CRACD: variants seen among roughly 807,000 people sequenced by gnomAD.
CRACD encodes capping protein-inhibiting regulator of actin dynamics.
CRACD carries 56 observed loss-of-function variants against 106.8 expected under a neutral mutation model. That is an observed-to-expected ratio of 0.52 (90% confidence interval 0.42 to 0.66). The LOEUF (loss-of-function observed/expected upper bound fraction) is 0.66. CRACD is among the 30% of genes least tolerant of loss of function. CRACD has a pLI of 0.00. For missense variants in CRACD, 1,730 were observed against 1,623.2 expected, an observed-to-expected ratio of 1.07 and a Z score of -1.13; for synonymous variants, 754 against 670.8, an observed-to-expected ratio of 1.12 and a Z score of -1.92.
rs149839999 is a variant in CRACD at position 56,093,265 on chromosome 4, G to A, written c.-336+43966G>A. On this transcript the variant is annotated intron_variant, in intron 1 of 10. Coordinates refer to ENST00000682029, the MANE Select transcript of CRACD (RefSeq NM_001393381.1). ...TCATGCTAGCCTGTAATTCACAAAT[G>A]TTAGTTTCCTTTCCCCACTTCCTGA... Among the ~76,000 whole-genome samples the A allele has an allele frequency of 3.4e-3, 525 of 152,268 alleles. 3 individuals carry two copies. The highest frequency in any genetic ancestry group is 3.3e-3 in the Non-Finnish European group (225 of 68,022).
At chr4:56,321,374 T>A (rs1475908593) in intron 8 of CRACD, 1 of 153,168 alleles carries the variant, frequency 6.5e-6, no homozygotes, top group Non-Finnish European at 1.5e-5. Flanking sequence ...TTTTTTCAAA[T>A]TAGTCAATTA....
At chr4:56,275,660 A>G (rs1742633720) in intron 3 of CRACD, among the ~76,000 whole-genome samples, 1 of 152,238 alleles carries the variant, frequency 6.6e-6, no homozygotes, top group Non-Finnish European at 1.5e-5. Flanking sequence ...TTTTTAGTTC[A>G]TGGTTCAATT....
intron 1 of CRACD, among the ~76,000 whole-genome samples, chr4:56,053,792 G>GAT (rs1390684438): frequency 6.6e-6 from 1 of 151,342 alleles, no homozygotes; most frequent in Non-Finnish European, 1.5e-5. Flanking sequence ...AGATCATGAT[G>GAT]ATATGTTAGA....
At chr4:56,248,675 C>G (rs1187599915) in intron 2 of CRACD, among the ~76,000 whole-genome samples, 1 of 150,066 alleles carries the variant, frequency 6.7e-6, no homozygotes, top group Admixed American at 6.6e-5. Context: ...GCTGCACCCA[C>G]TAACTCGTCA....
intron 1 of CRACD, among the ~76,000 whole-genome samples, chr4:56,153,453 G>C (rs1735656375): frequency 6.6e-6 from 1 of 152,032 alleles, no homozygotes; most frequent in South Asian, 2.1e-4. Context: ...TAAATATTCT[G>C]TATTTTACCT....
intron 2 of CRACD, among the ~76,000 whole-genome samples, chr4:56,237,543 A>G (rs1359522023): frequency 6.6e-6 from 1 of 152,078 alleles, no homozygotes; most frequent in Non-Finnish European, 1.5e-5. Flanking sequence ...TTGACTACCT[A>G]TTATTGATTA....
rs746373335 is a variant in CRACD, at chr4:56,316,661, T to C, written c.3159T>C (p.Pro1053=). ...TGCCTGCCACTCAGCAAGAGAAACC[T>C]TCTCAAACACCCGAGGCCGGGAGGA... The part of the protein sequence containing the change: ...PPLPATQQEK[P]SQTPEAGRKE... Residue 1053 remains proline (P), a synonymous_variant, in exon 8 of 11, where the codon CCT becomes CCC. Transcript: ENST00000682029. 34 of 1,607,744 alleles carry C rather than the reference T, an allele frequency of 2.1e-5. No individual in the cohort carries two copies. Among genetic ancestry groups the C allele is most frequent in the Non-Finnish European group, 2.7e-5 (32 of 1,178,618 alleles).
intron 1 of CRACD, among the ~76,000 whole-genome samples, chr4:56,082,406 A>G (rs535189556): frequency 2.0e-5 from 3 of 152,360 alleles, no homozygotes; most frequent in African/African-American, 7.2e-5. Context: ...AAGGAGGGCC[A>G]TAAGTTTATG....
intron 2 of CRACD, among the ~76,000 whole-genome samples, chr4:56,214,222 AT>A (rs1232929161): frequency 6.6e-6 from 1 of 152,122 alleles, no homozygotes; most frequent in East Asian, 1.9e-4. Flanking sequence ...ACTCCACATA[AT>A]GAAAGGGGTG....
chr4:56,071,083 C>T (rs1452886351), intron 1 of CRACD, among the ~76,000 whole-genome samples: 2 of 152,112 alleles, frequency 1.3e-5, no homozygotes, highest in African/African-American at 2.4e-5. Context: ...AAGTTGGATC[C>T]TCCTCATGTT....
At chr4:56,207,429 C>A (rs1476243459) in intron 2 of CRACD, among the ~76,000 whole-genome samples, 2 of 152,130 alleles carry the variant, frequency 1.3e-5, no homozygotes, top group Non-Finnish European at 2.9e-5. Flanking sequence ...GGCCTCCTGG[C>A]AATGTTCTCT....
intron 1 of CRACD, among the ~76,000 whole-genome samples, chr4:56,154,847 G>T (rs1735715710): frequency 6.6e-6 from 1 of 152,064 alleles, no homozygotes; most frequent in Non-Finnish European, 1.5e-5. Context: ...CAGCAATAAA[G>T]AATAGGAATC....
chr4:56,092,682 G>A lies in CRACD; in HGVS notation c.-336+43383G>A, dbSNP rs144330099. ...CAGTGTGTGATCATACATCGTTGTA[G>A]CCTTAAACTCTTGGGCTCAAGTGAT... On this transcript the variant is annotated intron_variant, in intron 1 of 10. Coordinates refer to ENST00000682029, the MANE Select transcript of CRACD (RefSeq NM_001393381.1). Among the ~76,000 whole-genome samples, 528 of 152,022 alleles carry A rather than the reference G, an allele frequency of 3.5e-3. 4 individuals carry two copies. The highest frequency in any genetic ancestry group is 0.012 in the African/African-American group (506 of 41,466).
At chr4:56,067,644 C>T (rs757923396) in intron 1 of CRACD, among the ~76,000 whole-genome samples, 3 of 152,162 alleles carry the variant, frequency 2.0e-5, no homozygotes, top group African/African-American at 7.2e-5. Flanking sequence ...GGCATGGTCT[C>T]GGCTCACTGC....
At chr4:56,266,899 T>C (rs1742053169) in intron 2 of CRACD, among the ~76,000 whole-genome samples, 1 of 152,226 alleles carries the variant, frequency 6.6e-6, no homozygotes, top group Admixed American at 6.5e-5. Context: ...ACATGAGAGA[T>C]CTTATATTTG....
intron 2 of CRACD, among the ~76,000 whole-genome samples, chr4:56,190,269 T>G (rs112838673): frequency 0.057 from 8,700 of 151,918 alleles, 287 homozygotes; most frequent in African/African-American, 0.084. Flanking sequence ...GAATAGTGCC[T>G]CAATAAACAT....
In CRACD at chr4:56,253,997, C is replaced by G. The variant is rs549639947; in HGVS notation, c.-188-18324C>G. 7.2e-5 allele frequency among the ~76,000 whole-genome samples: 11 copies of G among 152,274 alleles called. No individual in the cohort carries two copies. In the South Asian group the frequency reaches 2.1e-3, roughly 29 times the overall value. On this transcript the variant is annotated intron_variant, in intron 2 of 10. Coordinates refer to ENST00000682029, the MANE Select transcript of CRACD (RefSeq NM_001393381.1). Reference sequence around the variant, plus strand: ...GTGGAAACTTCAATCATTGACCCTTCGAATCTCAGAATTGGAAGGTCATCT... The same window carrying G: ...GTGGAAACTTCAATCATTGACCCTTGGAATCTCAGAATTGGAAGGTCATCT...
At chr4:56,080,169 C>T (rs1273538344) in intron 1 of CRACD, among the ~76,000 whole-genome samples, 3 of 151,956 alleles carry the variant, frequency 2.0e-5, no homozygotes, top group African/African-American at 4.8e-5. Context: ...ATAGTGAGAG[C>T]CTGTCTCTAA....
At position 56,315,265 on chromosome 4, in the gene CRACD, C is replaced by T. The variant is rs1410477988; in HGVS notation, c.1763C>T (p.Ser588Phe). The T allele has an allele frequency of 6.2e-6, 10 of 1,610,656 alleles. No homozygotes were observed. Among genetic ancestry groups the T allele is most frequent in the Admixed American group, 3.4e-5 (2 of 59,526 alleles). The stretch of plus-strand genomic sequence containing the variant: ...CCAGTCCAGCACGCCCTACCGTCGT[C>T]CCTGAGCGTTCCCCACACCGCCATT... ...ASPVQHALPS[S>F]LSVPHTAILV... The change falls in exon 8 of 11, where the codon TCC becomes TTC. Residue 588 changes from serine to phenylalanine, a missense_variant. By Grantham distance (155) the Ser-to-Phe change is radical. Coordinates refer to ENST00000682029, the MANE Select transcript of CRACD (RefSeq NM_001393381.1). The surrounding 1 kb of genome is among the most constrained non-coding windows in gnomAD (Gnocchi z 4.1).
Sources: gnomAD v4.1 joint callset for allele counts (sites outside exome capture counted in the v4.1 genomes callset) on GRCh38, gnomAD v4.1.1 for gene constraint, Gnocchi (gnomAD v3.1) non-coding constraint, MANE v1.5 for transcripts, NCBI Gene and HGNC (gene_info 2026-07-23, HGNC 2026-07-21) for gene names.